Variants in PGAP1 observed in about 807,000 individuals in gnomAD.
PGAP1 encodes post-GPI attachment to proteins inositol deacylase 1.
Under a neutral mutation model 127.0 loss-of-function variants are expected in PGAP1, and 76 were observed. That is an observed-to-expected ratio of 0.60 (90% CI 0.50 to 0.72). The LOEUF (loss-of-function observed/expected upper bound fraction) is 0.72, where lower values mean the gene tolerates loss of function less well. PGAP1 is among the 30% of genes least tolerant of loss of function. The pLI, the probability that PGAP1 is intolerant of heterozygous loss-of-function variation, is 0.00. For synonymous variants in PGAP1, 362 were observed against 366.5 expected, an observed-to-expected ratio of 0.99 and a Z score of 0.14; for missense variants, 982 against 1,071.3, an observed-to-expected ratio of 0.92 and a Z score of 1.16.
At chr2:196,847,660 T>A (rs1008933735) in intron 21 of PGAP1, 17 of 222,870 alleles carry the variant, frequency 7.6e-5, no homozygotes, top group Non-Finnish European at 3.5e-5. Flanking sequence ...TGCGTTTGAA[T>A]CTAGGATACT....
intron 22 of PGAP1, among the ~76,000 whole-genome samples, chr2:196,846,338 CTA>C (rs2125778140): frequency 6.6e-6 from 1 of 152,198 alleles, no homozygotes; most frequent in African/African-American, 2.4e-5. Flanking sequence ...GGAGGAGAAA[CTA>C]TGTTCTATTT....
rs1220183423 is a variant in PGAP1 at position 196,835,086 on chromosome 2, G to A, written c.*6148C>T. 3 of 151,920 alleles carry A rather than the reference G, an allele frequency of 2.0e-5. No homozygotes were observed. Among genetic ancestry groups the A allele is most frequent in the Admixed American group, 6.6e-5 (1 of 15,258 alleles). The allele number at this position is 151,920 out of a possible 1,614,324, so 9.4% of individuals were successfully genotyped here. On this transcript the variant is annotated 3_prime_UTR_variant, in exon 27 of 27. Transcript: ENST00000354764. ...CTGAAATTTCCTTAGAATCTTTATG[G>A]GGAGAAATTGAAGCACTTAATGCTG...
Position 196,883,996 on chromosome 2 carries a change from C to G in PGAP1, c.1272+1428G>C. ...TCTCCTGCTGTTCAGCCAGCTGTTT[C>G]TTACATTCAGAACAAACAACATAGG... On this transcript the variant is annotated intron_variant, in intron 12 of 26. Coordinates refer to ENST00000354764, the MANE Select transcript of PGAP1 (RefSeq NM_024989.4). Among the ~76,000 whole-genome samples the G allele has an allele frequency of 1.3e-5, 2 of 152,082 alleles. 1 individual carries two copies. Among genetic ancestry groups the G allele is most frequent in the Non-Finnish European group, 2.9e-5 (2 of 68,010 alleles).
Position 196,834,843 on chromosome 2 carries a change from G to A in PGAP1, c.*6391C>T, listed in dbSNP as rs1010942282. 6.6e-6 allele frequency: 1 copy of A among 151,936 alleles called. No individual in the cohort carries two copies. Among genetic ancestry groups the A allele is most frequent in the Non-Finnish European group, 1.5e-5 (1 of 67,862 alleles). 9.4% of individuals were successfully genotyped at this position (151,936 alleles called of 1,614,324 possible). ...AGATGAACTCATTTCAAAGAACAAT[G>A]TAAACTGAACTTAGGCCTTGTACAC... On this transcript the variant is annotated 3_prime_UTR_variant, in exon 27 of 27. Transcript: ENST00000354764.
chr2:196,873,556 G>A lies in PGAP1; in HGVS notation c.1524C>T (p.Asn508=), dbSNP rs757285280. The change falls in exon 16 of 27, where the codon AAC becomes AAT. Residue 508 remains asparagine (N), a synonymous_variant. Coordinates refer to ENST00000354764, the MANE Select transcript of PGAP1 (RefSeq NM_024989.4). ...FGQIYQAFKI[N]VVSKCSAVKE... ...TGACTGCTGAGCACTTGCTTACCAC[G>A]TTGATTTTAAAAGCTTGGTATATCT... 1.1e-5 allele frequency: 18 copies of A among 1,610,208 alleles called. No individual in the cohort carries two copies. Among genetic ancestry groups the A allele is most frequent in the African/African-American group, 2.7e-5 (2 of 74,782 alleles).
chr2:196,922,481 C>T, intron 1 of PGAP1: 6 of 974,576 alleles, frequency 6.2e-6, no homozygotes, highest in African/African-American at 1.8e-5. Context: ...AAAAAAAAGG[C>T]CTTAAGGACA....
At chr2:196,900,536 T>C (rs914947715) in intron 5 of PGAP1, among the ~76,000 whole-genome samples, 1 of 152,194 alleles carries the variant, frequency 6.6e-6, no homozygotes, top group Non-Finnish European at 1.5e-5. Context: ...AAAAAATAAA[T>C]CTTAGGTTAT....
intron 7 of PGAP1, among the ~76,000 whole-genome samples, chr2:196,894,293 G>T (rs763733367): frequency 1.5e-4 from 23 of 152,046 alleles, no homozygotes; most frequent in Non-Finnish European, 2.8e-4. Context: ...GCCTCCCCTG[G>T]ATAAACTTAA....
chr2:196,897,053 T>C (rs1702303903), intron 7 of PGAP1, 78 bp downstream of exon 7: 3 of 805,628 alleles, frequency 3.7e-6, no homozygotes, highest in Non-Finnish European at 3.9e-6. Flanking sequence ...AAAAATTACA[T>C]TAAATCCATC....
chr2:196,899,304 A>G (rs1473185770), intron 5 of PGAP1, among the ~76,000 whole-genome samples: 3 of 152,230 alleles, frequency 2.0e-5, no homozygotes, highest in Non-Finnish European at 4.4e-5. Flanking sequence ...ATAAATATGT[A>G]TAACTTCTAA....
intron 14 of PGAP1, among the ~76,000 whole-genome samples, chr2:196,874,617 T>C (rs1279741683): frequency 6.6e-6 from 1 of 152,138 alleles, no homozygotes; most frequent in Non-Finnish European, 1.5e-5. Flanking sequence ...ACATAACTAG[T>C]AATTAGAGAT....
At chr2:196,861,239 T>C (rs970852018) in intron 20 of PGAP1, among the ~76,000 whole-genome samples, 8 of 152,096 alleles carry the variant, frequency 5.3e-5, no homozygotes, top group Non-Finnish European at 8.8e-5. Flanking sequence ...CAAGAATATA[T>C]TGGAGAAATG....
intron 25 of PGAP1, 111 bp from the exon 26 acceptor site, chr2:196,842,936 T>C (rs1700455506): frequency 2.2e-6 from 1 of 455,542 alleles, no homozygotes; most frequent in Non-Finnish European, 3.9e-6. Context: ...AATATGGATA[T>C]AAGAGAGCTC....
intron 11 of PGAP1, 125 bp downstream of exon 11, chr2:196,885,709 A>T: frequency 1.4e-6 from 1 of 725,076 alleles, no homozygotes; most frequent in Non-Finnish European, 2.0e-6. Flanking sequence ...TTTTCATTTT[A>T]AAAACAATAT....
chr2:196,856,996 T>G (rs926405696), intron 20 of PGAP1, among the ~76,000 whole-genome samples: 3 of 152,200 alleles, frequency 2.0e-5, no homozygotes, highest in African/African-American at 7.2e-5. Context: ...GGTATTTTAT[T>G]CTTTTTGTGG....
chr2:196,880,266 C>A (rs1031871577), intron 12 of PGAP1, 113 bp from the exon 13 acceptor site: 1 of 658,414 alleles, frequency 1.5e-6, no homozygotes, highest in African/African-American at 1.9e-5. Context: ...AAGCAGGCTT[C>A]CAATTTATGT....
In PGAP1 at chr2:196,873,002, A is replaced by G. The variant is rs1701454790; in HGVS notation, c.1577T>C (p.Leu526Pro). 2.9e-6 allele frequency: 3 copies of G among 1,017,144 alleles called. No homozygotes were observed. Among genetic ancestry groups the G allele is most frequent in the Non-Finnish European group, 4.4e-6 (3 of 678,904 alleles). 63.0% of individuals were successfully genotyped at this position (1,017,144 alleles called of 1,614,324 possible). Reference protein sequence around the residue: ...VKEEITSIYRLHIPWSYEDSL... With the variant: ...VKEEITSIYRPHIPWSYEDSL... The stretch of plus-strand genomic sequence containing the variant: ...ATCTTCATAAGACCAAGGAATATGA[A>G]GTCTATAGATACTGGTTATTTCTTC... The change falls in exon 17 of 27, where the codon CTT becomes CCT. Residue 526 changes from leucine (L) to proline (P), a missense_variant. Leu to Pro is a moderately conservative substitution (Grantham distance 98). Transcript: ENST00000354764.
Position 196,920,022 on chromosome 2 carries a change from AG to A in PGAP1, c.275del (p.Pro92LeufsTer35). The A allele has an allele frequency of 1.2e-6, 2 of 1,611,184 alleles. No individual in the cohort carries two copies. The highest frequency in any genetic ancestry group is 1.7e-6 in the Non-Finnish European group (2 of 1,178,950). The stretch of plus-strand genomic sequence containing the variant: ...CTTGCTTATAACTTCCAGCATTACC[AG>A]GAAGAAAGAGAACTGGAATACCCGT... ...PLTGIPVLFLPGNAGSYKQVR... is the reference protein window; with the variant it reads ...PLTGIPVLFLXGNAGSYKQVR... On this transcript the variant is annotated frameshift_variant, in exon 2 of 27. Transcript: ENST00000354764. LOFTEE classifies it high-confidence loss of function.
chr2:196,857,629 AC>A (rs1304885190), intron 20 of PGAP1, among the ~76,000 whole-genome samples: 1 of 152,202 alleles, frequency 6.6e-6, no homozygotes. Flanking sequence ...TGTGTTAAAA[AC>A]AAACAAACAA....
Sources: allele counts gnomAD v4.1 joint callset (sites outside exome capture counted in the v4.1 genomes callset), GRCh38; gene constraint gnomAD v4.1.1; transcripts MANE v1.5; gene names NCBI Gene and HGNC (gene_info 2026-07-23, HGNC 2026-07-21).